Variants in ACACA observed in about 807,000 individuals in gnomAD.
ACACA encodes acetyl-CoA carboxylase alpha.
ACACA carries 103 observed loss-of-function variants against 296.1 expected under a neutral mutation model. The ratio of observed to expected loss-of-function variants is 0.35; its 90% CI spans 0.30 to 0.41. The LOEUF is 0.41. Among genes scored for constraint, ACACA ranks in the 10% least tolerant of loss-of-function variants. The pLI, the probability that ACACA is intolerant of heterozygous loss-of-function variation, is 1.00. For missense variants in ACACA, 1,554 were observed against 2,989.7 expected, an observed-to-expected ratio of 0.52 and a Z score of 11.20; for synonymous variants, 953 against 1,038.6, an observed-to-expected ratio of 0.92 and a Z score of 1.58.
intron 28 of ACACA, among the ~76,000 whole-genome samples, chr17:37,222,496 C>A (rs2079343801): frequency 6.6e-6 from 1 of 152,044 alleles, no homozygotes; most frequent in South Asian, 2.1e-4. Context: ...AAAAAAGAAA[C>A]AGCAATAGGC....
At chr17:37,290,581 C>T (rs932413763) in intron 3 of ACACA, among the ~76,000 whole-genome samples, 2 of 152,150 alleles carry the variant, frequency 1.3e-5, no homozygotes. Context: ...AGTAACAAAA[C>T]AGATCTGAAT....
At chr17:37,096,291 T>C (rs972020254) in intron 54 of ACACA, among the ~76,000 whole-genome samples, 1 of 152,170 alleles carries the variant, frequency 6.6e-6, no homozygotes, top group African/African-American at 2.4e-5. Flanking sequence ...ACAGCTTACA[T>C]GGCCCTGTGT....
rs191247875 is a variant in ACACA at position 37,390,450 on chromosome 17, A to C, written c.38+15812T>G. Among the ~76,000 whole-genome samples the C allele has an allele frequency of 2.8e-4, 41 of 144,060 alleles. No homozygotes were observed. The East Asian group carries it at 6.5e-3, about 23-fold the overall frequency. 94.5% of individuals were successfully genotyped at this position (144,060 alleles called of 152,430 possible). On this transcript the variant is annotated intron_variant, in intron 1 of 55. Coordinates refer to ENST00000616317, the MANE Select transcript of ACACA (RefSeq NM_198834.3). ...GAGACCATCCTAGCCAAAATGGTGAAACCCTGTCTCTACTAAAAATACAAA... is the reference window on the plus strand; with the variant it reads ...GAGACCATCCTAGCCAAAATGGTGACACCCTGTCTCTACTAAAAATACAAA...
At chr17:37,351,268 C>T (rs1261659692) in intron 1 of ACACA, among the ~76,000 whole-genome samples, 1 of 152,132 alleles carries the variant, frequency 6.6e-6, no homozygotes, top group South Asian at 2.1e-4. Context: ...TCAAGACCAG[C>T]CTGGCCAATA....
chr17:37,195,931 C>G (rs986411290), intron 35 of ACACA, among the ~76,000 whole-genome samples: 6 of 152,048 alleles, frequency 3.9e-5, no homozygotes, highest in Admixed American at 6.6e-5. Flanking sequence ...TCTTAGTATT[C>G]TGGTACCAAA....
intron 3 of ACACA, among the ~76,000 whole-genome samples, chr17:37,312,193 A>G (rs1256569215): frequency 6.6e-6 from 1 of 152,214 alleles, no homozygotes; most frequent in Non-Finnish European, 1.5e-5. Context: ...ACAGGAAAAG[A>G]GACTGAGACA....
intron 22 of ACACA, 74 bp from the exon 23 acceptor site, chr17:37,242,127 G>C (rs532709120): frequency 3.6e-6 from 4 of 1,109,360 alleles, no homozygotes; most frequent in South Asian, 1.2e-5. Flanking sequence ...TCTATAGCAC[G>C]ACCAGTAGGA....
chr17:37,359,370 G>T (rs1045527905), intron 1 of ACACA, among the ~76,000 whole-genome samples: 6 of 151,968 alleles, frequency 3.9e-5, no homozygotes, highest in Admixed American at 2.0e-4. Context: ...CCGATGGTCC[G>T]AGCGCGGATC....
intron 18 of ACACA, among the ~76,000 whole-genome samples, chr17:37,247,618 C>T (rs377732071): frequency 3.9e-5 from 6 of 152,310 alleles, no homozygotes; most frequent in East Asian, 3.9e-4. Context: ...CCACCTGCCT[C>T]GGCCTCCCAA....
At chr17:37,396,480 C>G (rs905732803) in intron 1 of ACACA, among the ~76,000 whole-genome samples, 1 of 152,048 alleles carries the variant, frequency 6.6e-6, no homozygotes, top group East Asian at 1.9e-4. Flanking sequence ...AAGGCCTGAA[C>G]AAGCCATTAA....
At position 37,087,062 on chromosome 17, in the gene ACACA, T is replaced by G. The variant is rs1191899480; in HGVS notation, c.*254A>C. On this transcript the variant is annotated 3_prime_UTR_variant, in exon 56 of 56. Transcript: ENST00000616317. The stretch of plus-strand genomic sequence containing the variant: ...ACCTTTCATTGCCTTCTCAGTCCTG[T>G]GCAGGGAGTGGAGGACTAGGCCTGG... 1 of 589,170 alleles carries G rather than the reference T, an allele frequency of 1.7e-6. No individual in the cohort carries two copies. Among genetic ancestry groups the G allele is most frequent in the African/African-American group, 1.9e-5 (1 of 53,786 alleles). 36.5% of individuals were successfully genotyped at this position (589,170 alleles called of 1,614,324 possible).
intron 25 of ACACA, among the ~76,000 whole-genome samples, chr17:37,232,778 GT>G (rs149023880): frequency 6.1e-5 from 9 of 147,206 alleles, no homozygotes; most frequent in South Asian, 2.2e-4. Context: ...TTTTGTTTTT[GT>G]TTTTTTTTTA....
chr17:37,234,528 T>G (rs2080017472), intron 25 of ACACA, among the ~76,000 whole-genome samples: 3 of 152,192 alleles, frequency 2.0e-5, no homozygotes, highest in Admixed American at 2.0e-4. Context: ...GCAGAATACA[T>G]TTAAATTTCT....
At chr17:37,358,250 A>C (rs928984086) in intron 1 of ACACA, among the ~76,000 whole-genome samples, 4 of 152,188 alleles carry the variant, frequency 2.6e-5, no homozygotes, top group African/African-American at 9.7e-5. Flanking sequence ...CCACTCTCAA[A>C]TCCAAAATAA....
At chr17:37,332,900 ACT>A (rs1420730584) in intron 2 of ACACA, among the ~76,000 whole-genome samples, 1 of 147,386 alleles carries the variant, frequency 6.8e-6, no homozygotes, top group African/African-American at 2.5e-5. Flanking sequence ...ACAGAGTGAG[ACT>A]CTGTCTAGAA....
At chr17:37,321,942 CA>C (rs35332296) in intron 3 of ACACA, among the ~76,000 whole-genome samples, 314 of 87,006 alleles carry the variant, frequency 3.6e-3, no homozygotes, top group Middle Eastern at 8.9e-3. Flanking sequence ...GACTCCATCT[CA>C]AAAAAAAAAA....
At position 37,150,263 on chromosome 17, in the gene ACACA, C is replaced by T. The variant is rs148311180; in HGVS notation, c.5569-289G>A. On this transcript the variant is annotated intron_variant, in intron 44 of 55. Transcript: ENST00000616317. ...CAGGAGTTCAAGACTACCTTGGGGCCGGGCGAGGCAGCTCACACCTGTAAT... is the reference window on the plus strand; with the variant it reads ...CAGGAGTTCAAGACTACCTTGGGGCTGGGCGAGGCAGCTCACACCTGTAAT... Among the ~76,000 whole-genome samples the T allele has an allele frequency of 2.1e-3, 317 of 151,780 alleles. 1 individual carries two copies. Among genetic ancestry groups the T allele is most frequent in the Non-Finnish European group, 1.4e-3 (98 of 67,896 alleles).
At chr17:37,152,102 T>A (rs564151043) in intron 43 of ACACA, among the ~76,000 whole-genome samples, 1 of 152,168 alleles carries the variant, frequency 6.6e-6, no homozygotes, top group Admixed American at 6.5e-5. Context: ...GCCAAGCAGA[T>A]AGATTTAAAT....
intron 1 of ACACA, among the ~76,000 whole-genome samples, chr17:37,358,474 T>A (rs1230173321): frequency 3.3e-5 from 5 of 151,946 alleles, no homozygotes; most frequent in Non-Finnish European, 5.9e-5. Context: ...TGCCTGGCCC[T>A]GGCTCTCGCC....
Sources: allele counts gnomAD v4.1 joint callset (sites outside exome capture counted in the v4.1 genomes callset), GRCh38; gene constraint gnomAD v4.1.1; transcripts MANE v1.5; gene names NCBI Gene and HGNC (gene_info 2026-07-23, HGNC 2026-07-21).